EEIG1: variants seen among roughly 807,000 people sequenced by gnomAD.
EEIG1 encodes early estrogen-induced gene 1 protein.
the EEIG1 span, among the ~76,000 whole-genome samples, chr9:127,968,004 G>A: frequency 8.1e-6 from 1 of 123,774 alleles, no homozygotes; most frequent in Admixed American, 9.1e-5. Context: ...TTTTTTTGAG[G>A]TAAGGGGTCT....
At chr9:127,945,381 G>C in the EEIG1 span, 1 of 1,586,462 alleles carries the variant, frequency 6.3e-7, no homozygotes, top group South Asian at 1.1e-5. This position sits in a 1 kb window ranked among gnomAD's most constrained non-coding sequence, Gnocchi z 6.5. Flanking sequence ...AAGAGCGATC[G>C]GACAGATGCA....
At chr9:127,971,542 C>T in the EEIG1 span, among the ~76,000 whole-genome samples, 1 of 7,360 alleles carries the variant, frequency 1.4e-4, no homozygotes, top group South Asian at 3.3e-3. Context: ...AGAGGGAATG[C>T]GGGGCGGGGG....
chr9:127,948,667 G>A, the EEIG1 span, among the ~76,000 whole-genome samples: 1 of 152,220 alleles, frequency 6.6e-6, no homozygotes, highest in East Asian at 1.9e-4. Context: ...TGAGGCCTGG[G>A]CTCAGCCCTG....
At chr9:127,952,216 G>A in the EEIG1 span, among the ~76,000 whole-genome samples, 10 of 152,242 alleles carry the variant, frequency 6.6e-5, no homozygotes, top group Admixed American at 2.0e-4. Flanking sequence ...TCTGCTTCTG[G>A]AGAGGGACGT....
the EEIG1 span, chr9:127,979,916 C>T: frequency 6.0e-6 from 9 of 1,503,652 alleles, no homozygotes; most frequent in Non-Finnish European, 8.0e-6. Flanking sequence ...CCCCAAGGGG[C>T]CCTTCCACAC....
At chr9:127,943,025 G>C in the EEIG1 span, 1 of 672,638 alleles carries the variant, frequency 1.5e-6, no homozygotes, top group Admixed American at 2.2e-5. Flanking sequence ...AGCATGGATG[G>C]GAGGGGCAAT....
the EEIG1 span, among the ~76,000 whole-genome samples, chr9:127,970,213 A>C: frequency 3.3e-5 from 5 of 152,158 alleles, no homozygotes; most frequent in Admixed American, 6.5e-5. Context: ...TCCCGAGTTC[A>C]AGTGATTCTC....
chr9:127,947,500 T>C, the EEIG1 span, among the ~76,000 whole-genome samples: 3 of 152,318 alleles, frequency 2.0e-5, no homozygotes, highest in South Asian at 2.1e-4. Flanking sequence ...GGTGCCCACA[T>C]GTGGACAGTT....
At chr9:127,957,597 C>T in the EEIG1 span, among the ~76,000 whole-genome samples, 1 of 152,234 alleles carries the variant, frequency 6.6e-6, no homozygotes, top group African/African-American at 2.4e-5. Flanking sequence ...AGAACTTTGA[C>T]AAGCTGATCC....
chr9:127,956,571 C>G, the EEIG1 span, among the ~76,000 whole-genome samples: 1 of 151,746 alleles, frequency 6.6e-6, no homozygotes, highest in African/African-American at 2.4e-5. Flanking sequence ...CCACCAAGCT[C>G]GACTAATTTT....
At chr9:127,973,670 G>A in the EEIG1 span, among the ~76,000 whole-genome samples, 11 of 152,220 alleles carry the variant, frequency 7.2e-5, no homozygotes, top group Non-Finnish European at 1.5e-4. This position sits in a 1 kb window ranked among gnomAD's most constrained non-coding sequence, Gnocchi z 4.2. Context: ...GTCTGACCTC[G>A]CGGAACCAGC....
At chr9:127,940,983 A>C in the EEIG1 span, 1 of 152,202 alleles carries the variant, frequency 6.6e-6, no homozygotes, top group Non-Finnish European at 1.5e-5. Flanking sequence ...TTCCAAAAAT[A>C]TCTCTGATAT....
chr9:127,941,387 C>G, the EEIG1 span: 1 of 152,612 alleles, frequency 6.6e-6, no homozygotes, highest in Non-Finnish European at 1.5e-5. Flanking sequence ...CAGGACAGAA[C>G]TCCCCATCTT....
chr9:127,954,013 TG>T, the EEIG1 span: 2 of 1,525,386 alleles, frequency 1.3e-6, no homozygotes, highest in African/African-American at 2.7e-5. Flanking sequence ...CACTCCCCAT[TG>T]GGACTGAGGC....
the EEIG1 span, chr9:127,942,743 C>T: frequency 5.5e-6 from 1 of 182,854 alleles, no homozygotes; most frequent in Non-Finnish European, 1.2e-5. Flanking sequence ...GGAGCAAGGC[C>T]CTGCTGCTAA....
chr9:127,949,638 C>T, the EEIG1 span, among the ~76,000 whole-genome samples: 2 of 152,226 alleles, frequency 1.3e-5, no homozygotes, highest in African/African-American at 4.8e-5. Flanking sequence ...CCGGTTCCCT[C>T]TGCAAAGGGT....
the EEIG1 span, among the ~76,000 whole-genome samples, chr9:127,952,007 TACAGA>T: frequency 6.6e-6 from 1 of 152,086 alleles, no homozygotes; most frequent in African/African-American, 2.4e-5. Context: ...GGAGTTCAAT[TACAGA>T]ACAGAAGGGA....
chr9:127,952,955 A>G, the EEIG1 span, among the ~76,000 whole-genome samples: 2 of 152,130 alleles, frequency 1.3e-5, no homozygotes, highest in African/African-American at 4.8e-5. Flanking sequence ...GAGCTCAGGC[A>G]ATTCGCTTGC....
the EEIG1 span, chr9:127,950,627 GGAGA>G: frequency 6.4e-7 from 1 of 1,555,286 alleles, no homozygotes; most frequent in Admixed American, 1.8e-5. Flanking sequence ...GGCAAAAGTT[GGAGA>G]GGGAGACAGA....
Sources: gnomAD v4.1 joint callset for allele counts (sites outside exome capture counted in the v4.1 genomes callset) on GRCh38, gnomAD v4.1.1 for gene constraint, Gnocchi (gnomAD v3.1) non-coding constraint, MANE v1.5 for transcripts, NCBI Gene and HGNC (gene_info 2026-07-23, HGNC 2026-07-21) for gene names.